UBE2D3: variants seen among roughly 807,000 people sequenced by gnomAD.
The protein encoded by UBE2D3 is ubiquitin-conjugating enzyme E2 D3.
A neutral mutation model predicts 22.8 loss-of-function variants in UBE2D3; 2 were observed. That is an observed-to-expected ratio of 0.09 (90% CI 0.04 to 0.28). UBE2D3 has a LOEUF of 0.28. Ranked by LOEUF, UBE2D3 falls within the 10% of genes least tolerant of loss-of-function variation. The pLI, the probability that UBE2D3 is intolerant of heterozygous loss-of-function variation, is 1.00. For missense variants in UBE2D3, 27 were observed against 182.5 expected (o/e 0.15, Z 4.91); for synonymous variants, 56 against 60.4 (o/e 0.93, Z 0.34).
intron 2 of UBE2D3, chr4:102,813,120 T>TA (rs1578243389): frequency 1.3e-5 from 2 of 152,194 alleles, no homozygotes; most frequent in Non-Finnish European, 2.9e-5. Flanking sequence ...GTATCTTTTT[T>TA]AAAAAATGAA....
intron 1 of UBE2D3, 149 bp from the exon 2 acceptor site, chr4:102,826,785 G>A: frequency 7.9e-7 from 1 of 1,271,110 alleles, no homozygotes; most frequent in Non-Finnish European, 9.9e-7. Context: ...TCGGCCCGAA[G>A]TGGGGGCGAG....
intron 2 of UBE2D3, among the ~76,000 whole-genome samples, chr4:102,818,796 T>C (rs931086682): frequency 7.2e-5 from 11 of 152,180 alleles, no homozygotes; most frequent in African/African-American, 2.7e-4. Flanking sequence ...AGATTTTTAA[T>C]ACAAAGCCTG....
chr4:102,817,017 T>A (rs1728868047), intron 2 of UBE2D3, among the ~76,000 whole-genome samples: 1 of 152,066 alleles, frequency 6.6e-6, no homozygotes, highest in South Asian at 2.1e-4. Flanking sequence ...TTTTCCTGGG[T>A]TTAGAGGAGT....
At chr4:102,829,057 G>GT (rs1730957694), upstream of UBE2D3, among the ~76,000 whole-genome samples, 2 of 152,196 alleles carry the variant, frequency 1.3e-5, no homozygotes, top group African/African-American at 4.8e-5. Context: ...ATGAATATAA[G>GT]TAGTCTAATG....
At chr4:102,818,406 T>C (rs1253118503) in intron 2 of UBE2D3, among the ~76,000 whole-genome samples, 2 of 152,046 alleles carry the variant, frequency 1.3e-5, no homozygotes, top group East Asian at 1.9e-4. Flanking sequence ...CTGGAAAAAA[T>C]ACTTGTATTT....
intron 1 of UBE2D3, among the ~76,000 whole-genome samples, chr4:102,856,388 TA>T (rs1317271487): frequency 4.6e-5 from 7 of 152,050 alleles, no homozygotes; most frequent in African/African-American, 1.4e-4. Context: ...AATAAAAAAT[TA>T]AAAAATAAAG....
chr4:102,855,147 A>G (rs976727361), intron 1 of UBE2D3, among the ~76,000 whole-genome samples: 3 of 152,234 alleles, frequency 2.0e-5, no homozygotes, highest in South Asian at 2.1e-4. Flanking sequence ...GAGAAACAGT[A>G]GCAAAGAGAG....
chr4:102,833,833 C>T (rs1005290601), intron 1 of UBE2D3, among the ~76,000 whole-genome samples: 1 of 152,174 alleles, frequency 6.6e-6, no homozygotes, highest in Non-Finnish European at 1.5e-5. Context: ...TTAAAACCCA[C>T]CCTCCCTGTA....
At chr4:102,812,392 T>C (rs1430352950) in intron 2 of UBE2D3, 1 of 152,172 alleles carries the variant, frequency 6.6e-6, no homozygotes, top group East Asian at 1.9e-4. Context: ...ACTGACTTGG[T>C]TGGGGGAAAT....
At chr4:102,823,595 T>C (rs766617184) in intron 2 of UBE2D3, among the ~76,000 whole-genome samples, 1 of 152,242 alleles carries the variant, frequency 6.6e-6, no homozygotes, top group Non-Finnish European at 1.5e-5. Flanking sequence ...AAAACACATA[T>C]ATTGTAGTCC....
chr4:102,813,723 G>A (rs139031384), intron 2 of UBE2D3, among the ~76,000 whole-genome samples: 116 of 152,214 alleles, frequency 7.6e-4, no homozygotes, highest in African/African-American at 2.7e-3. Context: ...CTAAGAAAGG[G>A]AACCTTGGCC....
At position 102,827,051 on chromosome 4, in the gene UBE2D3, C is replaced by A. The variant is rs79687305; in HGVS notation, c.-129+376G>T. 4.0e-3 allele frequency: 3,917 copies of A among 990,298 alleles called. 90 individuals carry two copies. The African/African-American group carries it at 0.054, about 14-fold the overall frequency. The allele number at this position is 990,298 out of a possible 1,614,324, so 61.3% of individuals were successfully genotyped here. On this transcript the variant is annotated intron_variant, in intron 1 of 7. Transcript: ENST00000453744. ...TGCTTTCGGTTTCTGTCCAAAGGTG[C>A]GGCCGGGAAAAGGAAGGAAATAAAG...
chr4:102,851,637 G>A (rs1192756007), intron 1 of UBE2D3, among the ~76,000 whole-genome samples: 2 of 150,818 alleles, frequency 1.3e-5, no homozygotes, highest in Non-Finnish European at 2.9e-5. Flanking sequence ...TTTAATATTA[G>A]AACCCCCATT....
At chr4:102,849,033 T>C (rs1732199569) in intron 1 of UBE2D3, among the ~76,000 whole-genome samples, 1 of 151,642 alleles carries the variant, frequency 6.6e-6, no homozygotes, top group African/African-American at 2.4e-5. Context: ...CAAATCACCA[T>C]ATCTTTAGAG....
intron 1 of UBE2D3, chr4:102,826,895 G>C (rs1438869347): frequency 1.9e-6 from 2 of 1,051,232 alleles, no homozygotes; most frequent in East Asian, 8.7e-5. Context: ...GGAGAAAGGG[G>C]TGGGTGCGGG....
intron 1 of UBE2D3, among the ~76,000 whole-genome samples, chr4:102,835,787 T>TATAC (rs1553965745): frequency 6.6e-6 from 1 of 151,934 alleles, no homozygotes; most frequent in South Asian, 2.1e-4. Flanking sequence ...CATATATATA[T>TATAC]ACCCATGAAG....
intron 4 of UBE2D3, among the ~76,000 whole-genome samples, chr4:102,805,803 GA>G (rs1726936462): frequency 6.6e-6 from 1 of 151,960 alleles, no homozygotes; most frequent in African/African-American, 2.4e-5. Flanking sequence ...TCTCTACTTG[GA>G]TATCTCATGT....
Position 102,797,261 on chromosome 4 carries a change from G to A in UBE2D3, c.*154C>T, listed in dbSNP as rs1292377253. 3.4e-6 allele frequency: 2 copies of A among 583,004 alleles called. No individual in the cohort carries two copies. Among genetic ancestry groups the A allele is most frequent in the East Asian group, 5.6e-5 (2 of 35,630 alleles). 36.1% of individuals were successfully genotyped at this position (583,004 alleles called of 1,614,324 possible). Reference sequence around the variant, plus strand: ...TGGAAGAACTTAAGTCTTCTCAGATGAGCATGTGAATGAATGGAGGGAGGT... The same window carrying A: ...TGGAAGAACTTAAGTCTTCTCAGATAAGCATGTGAATGAATGGAGGGAGGT... On this transcript the variant is annotated 3_prime_UTR_variant, in exon 8 of 8. Transcript: ENST00000453744.
intron 1 of UBE2D3, among the ~76,000 whole-genome samples, chr4:102,868,118 G>T (rs1733252584): frequency 7.6e-6 from 1 of 130,752 alleles, no homozygotes. Flanking sequence ...TGTCTCCCAG[G>T]CTAGAGTGCA....
Sources: allele counts gnomAD v4.1 joint callset (sites outside exome capture counted in the v4.1 genomes callset), GRCh38; gene constraint gnomAD v4.1.1; transcripts MANE v1.5; gene names NCBI Gene and HGNC (gene_info 2026-07-23, HGNC 2026-07-21).